MMP26: variants seen among roughly 807,000 people sequenced by gnomAD.
MMP26 encodes the protein matrix metallopeptidase 26, also known as matrix metalloproteinase-26.
MMP26 carries 33 observed loss-of-function variants against 31.0 expected under a neutral mutation model. The ratio of observed to expected loss-of-function variants is 1.06; its 90% CI spans 0.81 to 1.42. The LOEUF is 1.42. Among genes scored for constraint, MMP26 ranks in the 40% most tolerant of loss-of-function variants. MMP26 has a pLI of 0.00. For missense variants in MMP26, 347 were observed against 316.1 expected (o/e 1.10, Z -0.74); for synonymous variants, 122 against 114.9 (o/e 1.06, Z -0.40).
At chr11:4,809,366 C>T (rs138504926) in intron 2 of MMP26, among the ~76,000 whole-genome samples, 28 of 152,168 alleles carry the variant, frequency 1.8e-4, no homozygotes, top group Non-Finnish European at 3.5e-4. Context: ...AATGTGGTTA[C>T]AAGAACTGTA....
chr11:4,970,318 A>G (rs1008032005), intron 2 of MMP26, among the ~76,000 whole-genome samples: 3 of 152,204 alleles, frequency 2.0e-5, no homozygotes, highest in Non-Finnish European at 4.4e-5. Context: ...TTGTTCTGAT[A>G]TATAATCTGA....
rs1847020229 is a variant in MMP26, at chr11:4,992,265, A to G, written c.*23A>G. Reference sequence around the variant, plus strand: ...TAATGTTAGCACAGAGGACTTATTCAACCTGTCCTTTCAGGGAGTTTATTG... The same window carrying G: ...TAATGTTAGCACAGAGGACTTATTCGACCTGTCCTTTCAGGGAGTTTATTG... On this transcript the variant is annotated 3_prime_UTR_variant, in exon 8 of 8. Transcript: ENST00000380390. The G allele has an allele frequency of 3.7e-6, 6 of 1,605,970 alleles. No homozygotes were observed. The African/African-American group carries it at 6.7e-5, about 18-fold the overall frequency.
At chr11:4,989,935 C>A in intron 4 of MMP26, 67 bp downstream of exon 4, 1 of 1,308,068 alleles carries the variant, frequency 7.6e-7, no homozygotes, top group Non-Finnish European at 1.1e-6. Context: ...TCTACCAGGT[C>A]TCTCCTGGAG....
chr11:4,845,531 T>C (rs1849854886), intron 2 of MMP26, among the ~76,000 whole-genome samples: 1 of 152,156 alleles, frequency 6.6e-6, no homozygotes, highest in Non-Finnish European at 1.5e-5. Context: ...GACATTGATC[T>C]GGGTAAAAAT....
At chr11:4,989,380 C>G (rs919493799) in intron 3 of MMP26, among the ~76,000 whole-genome samples, 5 of 152,110 alleles carry the variant, frequency 3.3e-5, no homozygotes, top group Non-Finnish European at 7.4e-5. Flanking sequence ...TTGGGTTTCT[C>G]CATCCTAAAA....
At chr11:4,962,735 A>G (rs1846536926) in intron 2 of MMP26, among the ~76,000 whole-genome samples, 1 of 152,180 alleles carries the variant, frequency 6.6e-6, no homozygotes, top group East Asian at 1.9e-4. Flanking sequence ...TCCTGCATTT[A>G]CATACATTGT....
At chr11:4,881,846 A>T in intron 2 of MMP26, 1 of 1,441,238 alleles carries the variant, frequency 6.9e-7, no homozygotes, top group Non-Finnish European at 9.7e-7. Context: ...TGCTATATAT[A>T]TAAAGAATCT....
At chr11:4,789,369 T>C (rs1443481598) in intron 2 of MMP26, among the ~76,000 whole-genome samples, 1 of 152,070 alleles carries the variant, frequency 6.6e-6, no homozygotes, top group Non-Finnish European at 1.5e-5. Context: ...TTGGGGTCTC[T>C]GTTACTATAT....
intron 2 of MMP26, among the ~76,000 whole-genome samples, chr11:4,842,245 G>A (rs978494961): frequency 1.3e-5 from 2 of 152,172 alleles, no homozygotes; most frequent in Admixed American, 1.3e-4. Context: ...GCTTGTTTAG[G>A]CAAAGAGTGT....
chr11:4,986,932 C>CTCTCTCTCTCCCTCTCTCTCT lies in MMP26; in HGVS notation c.-144-1136_-144-1135insTCTCTCTCTCCCTCTCTCTCT, dbSNP rs1564819722. Among the ~76,000 whole-genome samples the CTCTCTCTCTCCCTCTCTCTCT allele has an allele frequency of 5.1e-4, 31 of 60,438 alleles. 2 individuals are homozygous for CTCTCTCTCTCCCTCTCTCTCT. Among genetic ancestry groups the CTCTCTCTCTCCCTCTCTCTCT allele is most frequent in the South Asian group, 1.4e-3 (2 of 1,470 alleles). The allele number at this position is 60,438 out of a possible 152,430, so 39.6% of individuals were successfully genotyped here. On this transcript the variant is annotated intron_variant, in intron 2 of 7. Transcript: ENST00000380390. ...CTCTCTCTCTCTCTCTCTCTCTCTC[C>CTCTCTCTCTCCCTCTCTCTCT]CTCTCTCTCTCTCTCTCTCTCTCTC...
intron 2 of MMP26, chr11:4,876,541 A>G (rs1850381504): frequency 1.3e-5 from 2 of 152,112 alleles, no homozygotes; most frequent in Non-Finnish European, 2.9e-5. Context: ...TTTCCTACTC[A>G]AACCTCTATT....
intron 1 of MMP26, chr11:4,723,067 C>G (rs1848038005): frequency 1.7e-6 from 2 of 1,210,790 alleles, no homozygotes; most frequent in Admixed American, 1.7e-5. Context: ...GCTCCTGGTA[C>G]CCATGCAGCT....
At chr11:4,859,780 G>C in intron 2 of MMP26, 1 of 471,378 alleles carries the variant, frequency 2.1e-6, no homozygotes, top group South Asian at 1.5e-5. Flanking sequence ...GTGGATCATG[G>C]AGGCAGCACC....
Position 4,748,694 on chromosome 11 carries a change from ATATG to A in MMP26, c.-216-18575_-216-18572del, listed in dbSNP as rs201497811. 4.8e-4 allele frequency among the ~76,000 whole-genome samples: 67 copies of A among 140,448 alleles called. 1 individual carries two copies. The highest frequency in any genetic ancestry group is 2.1e-3 in the African/African-American group (64 of 30,372). The allele number at this position is 140,448 out of a possible 152,430, so 92.1% of individuals were successfully genotyped here. The stretch of plus-strand genomic sequence containing the variant: ...CATAAGCAGACTTTTTTTAAAAAAA[ATATG>A]ATCACGGCAATAGTTGCAGAATAAG... On this transcript the variant is annotated intron_variant, in intron 1 of 7. Transcript: ENST00000380390.
intron 2 of MMP26, among the ~76,000 whole-genome samples, chr11:4,768,213 T>C (rs188943709): frequency 6.6e-6 from 1 of 152,354 alleles, no homozygotes; most frequent in East Asian, 1.9e-4. Flanking sequence ...TAATTTACTT[T>C]ACATTCTTTT....
intron 2 of MMP26, among the ~76,000 whole-genome samples, chr11:4,818,174 T>G (rs934521637): frequency 1.3e-5 from 2 of 151,860 alleles, no homozygotes; most frequent in African/African-American, 2.4e-5. Flanking sequence ...CTGGGCTAGA[T>G]AAGTTTGAAA....
chr11:4,904,480 G>GA (rs1175440360), intron 2 of MMP26, among the ~76,000 whole-genome samples: 2 of 152,016 alleles, frequency 1.3e-5, no homozygotes, highest in African/African-American at 4.8e-5. Flanking sequence ...CCACCTCTCT[G>GA]AATATTCCTT....
chr11:4,807,898 G>A (rs1849299521), intron 2 of MMP26, among the ~76,000 whole-genome samples: 3 of 152,024 alleles, frequency 2.0e-5, no homozygotes, highest in Admixed American at 2.0e-4. Flanking sequence ...TTGAACTTCT[G>A]GGTTTAGGTG....
At chr11:4,726,355 C>T (rs1007032119) in intron 1 of MMP26, among the ~76,000 whole-genome samples, 5 of 151,374 alleles carry the variant, frequency 3.3e-5, no homozygotes, top group East Asian at 2.0e-4. Flanking sequence ...CCCAGCTACT[C>T]GAAGGCTGAG....
Sources: allele counts gnomAD v4.1 joint callset (sites outside exome capture counted in the v4.1 genomes callset), GRCh38; gene constraint gnomAD v4.1.1; transcripts MANE v1.5; gene names NCBI Gene and HGNC (gene_info 2026-07-23, HGNC 2026-07-21).